Variants in SPAG16 observed in about 807,000 individuals in gnomAD.
SPAG16 encodes sperm associated antigen 16.
A neutral mutation model predicts 80.4 loss-of-function variants in SPAG16; 86 were observed. The observed-to-expected ratio is 1.07, with a 90% CI of 0.90 to 1.28. SPAG16 has a LOEUF of 1.28. SPAG16 is among the 50% of genes most tolerant of loss of function. The pLI is 0.00. For missense variants in SPAG16, 870 were observed against 765.3 expected, an observed-to-expected ratio of 1.14 and a Z score of -1.61; for synonymous variants, 294 against 265.9, an observed-to-expected ratio of 1.11 and a Z score of -1.03.
intron 10 of SPAG16, among the ~76,000 whole-genome samples, chr2:213,693,005 A>G (rs970601598): frequency 6.6e-6 from 1 of 152,180 alleles, no homozygotes; most frequent in Non-Finnish European, 1.5e-5. Context: ...TGAACATATA[A>G]CTGGAATCTT....
intron 12 of SPAG16, among the ~76,000 whole-genome samples, chr2:214,000,219 T>A (rs1323880499): frequency 2.0e-5 from 3 of 152,136 alleles, no homozygotes; most frequent in Admixed American, 1.3e-4. Context: ...TGGGACCCAG[T>A]GGGAGATCAT....
chr2:213,769,882 A>G (rs1011026478), intron 10 of SPAG16, among the ~76,000 whole-genome samples: 8 of 152,328 alleles, frequency 5.3e-5, no homozygotes, highest in East Asian at 1.9e-4. Flanking sequence ...GAACATTGCT[A>G]TCAACTCACA....
chr2:213,426,173 T>C (rs2069900396), intron 9 of SPAG16, among the ~76,000 whole-genome samples: 1 of 152,204 alleles, frequency 6.6e-6, no homozygotes, highest in African/African-American at 2.4e-5. Flanking sequence ...AAATGATCTT[T>C]ATTGAAGAAG....
chr2:213,483,483 C>T (rs2073845232), intron 9 of SPAG16, among the ~76,000 whole-genome samples: 1 of 152,106 alleles, frequency 6.6e-6, no homozygotes. Flanking sequence ...TACAGATAGG[C>T]TTTATAAATC....
intron 11 of SPAG16, among the ~76,000 whole-genome samples, chr2:213,885,141 C>A (rs898499837): frequency 1.3e-4 from 20 of 152,102 alleles, no homozygotes; most frequent in African/African-American, 4.6e-4. Flanking sequence ...GGTTTCATTT[C>A]TGGATGTTTT....
chr2:214,176,024 A>G (rs1272182981), intron 15 of SPAG16, among the ~76,000 whole-genome samples: 1 of 151,546 alleles, frequency 6.6e-6, no homozygotes, highest in African/African-American at 2.4e-5. Context: ...TTTACTGCTT[A>G]TAAATAAAAT....
In SPAG16 at chr2:213,317,232, C is replaced by T. The variant is rs146726212; in HGVS notation, c.412C>T (p.Gln138Ter). The T allele has an allele frequency of 1.9e-6, 3 of 1,594,896 alleles. No homozygotes were observed. The highest frequency in any genetic ancestry group is 1.1e-5 in the South Asian group (1 of 88,616). ...CFQSEWYELI[Q>*]KGVTELRTVG... ...ATTTTATCCTAGGTATGAGTTAATA[C>T]AGAAAGGAGTGACTGAACTTAGAAC... is the stretch of plus-strand genomic sequence containing the variant. The change falls in exon 5 of 16, where the codon CAG (glutamine) becomes TAG (stop). Residue 138 changes from glutamine (Q) to a stop codon, truncating the protein, a stop_gained. Coordinates refer to ENST00000331683, the MANE Select transcript of SPAG16 (RefSeq NM_024532.5). LOFTEE classifies it high-confidence loss of function.
chr2:213,932,205 G>C (rs1387295710), intron 12 of SPAG16, among the ~76,000 whole-genome samples: 1 of 121,164 alleles, frequency 8.3e-6, no homozygotes, highest in Non-Finnish European at 1.7e-5. Context: ...TATATTTGTT[G>C]TTGTTGTTGT....
chr2:213,681,555 G>A (rs1479682779), intron 10 of SPAG16, among the ~76,000 whole-genome samples: 1 of 152,122 alleles, frequency 6.6e-6, no homozygotes, highest in Non-Finnish European at 1.5e-5. Flanking sequence ...CACATGGCCA[G>A]GTTATGAATG....
chr2:213,346,885 G>T (rs1177398567), intron 6 of SPAG16, among the ~76,000 whole-genome samples: 1 of 151,948 alleles, frequency 6.6e-6, no homozygotes, highest in East Asian at 1.9e-4. Flanking sequence ...GTATCAGGAT[G>T]ATGCTGGCCT....
chr2:214,251,025 A>T lies in SPAG16; in HGVS notation c.1720+101759A>T, dbSNP rs80043401. ...CTATCTAATATGCACATAAAGCACT[A>T]TTGTTTTATTACAGCTAATGAATAC... On this transcript the variant is annotated intron_variant, in intron 15 of 15. Transcript: ENST00000331683. Among the ~76,000 whole-genome samples, 256 of 151,930 alleles carry T rather than the reference A, an allele frequency of 1.7e-3. 7 individuals carry two copies. In the East Asian group the frequency reaches 0.044, roughly 26 times the overall value.
In SPAG16 at chr2:213,372,893, G is replaced by A. The variant is rs1002827843; in HGVS notation, c.833-2117G>A. 2.3e-4 allele frequency among the ~76,000 whole-genome samples: 35 copies of A among 152,104 alleles called. 2 individuals are homozygous for A. Among genetic ancestry groups the A allele is most frequent in the South Asian group, 6.2e-4 (3 of 4,826 alleles). ...ATGTCTTTCTGATATTTATCCAAGA[G>A]CCTGAACATGTTAACATTGATTAAA... On this transcript the variant is annotated intron_variant, in intron 8 of 15. Coordinates refer to ENST00000331683, the MANE Select transcript of SPAG16 (RefSeq NM_024532.5).
At chr2:214,322,224 G>A (rs1223536985) in intron 15 of SPAG16, among the ~76,000 whole-genome samples, 1 of 152,116 alleles carries the variant, frequency 6.6e-6, no homozygotes, top group Non-Finnish European at 1.5e-5. Flanking sequence ...CATTTTTCAA[G>A]ACACTCAAAT....
chr2:213,882,069 T>A (rs933626256), intron 11 of SPAG16, among the ~76,000 whole-genome samples: 6 of 152,342 alleles, frequency 3.9e-5, no homozygotes, highest in East Asian at 1.9e-4. Flanking sequence ...AAAAGCTTTT[T>A]ATGAATCCAT....
intron 12 of SPAG16, among the ~76,000 whole-genome samples, chr2:213,984,019 T>G (rs982325481): frequency 6.6e-6 from 1 of 152,028 alleles, no homozygotes. Context: ...TTAATCTCAG[T>G]ATTGAGAGAT....
chr2:213,542,071 T>C (rs148568737), intron 10 of SPAG16, among the ~76,000 whole-genome samples: 66 of 152,328 alleles, frequency 4.3e-4, no homozygotes, highest in African/African-American at 1.6e-3. Flanking sequence ...CTTGATGTAT[T>C]AAATTAGTTT....
chr2:213,936,975 TGAA>T (rs1363036990), intron 12 of SPAG16, among the ~76,000 whole-genome samples: 3 of 152,148 alleles, frequency 2.0e-5, no homozygotes, highest in Non-Finnish European at 4.4e-5. Context: ...AGAGGAAATA[TGAA>T]ATGTTAAGAT....
chr2:213,365,937 T>C (rs1334901713), intron 8 of SPAG16, among the ~76,000 whole-genome samples: 2 of 148,988 alleles, frequency 1.3e-5, no homozygotes, highest in Admixed American at 1.3e-4. Context: ...GGTCAGGAGA[T>C]CGAGACCATC....
intron 9 of SPAG16, among the ~76,000 whole-genome samples, chr2:213,431,228 GA>G (rs899972719): frequency 6.6e-6 from 1 of 151,158 alleles, no homozygotes; most frequent in Admixed American, 6.6e-5. Context: ...AAACGGAGGG[GA>G]AAAAAAAGAA....
Sources: allele counts gnomAD v4.1 joint callset (sites outside exome capture counted in the v4.1 genomes callset), GRCh38; gene constraint gnomAD v4.1.1; transcripts MANE v1.5; gene names NCBI Gene and HGNC (gene_info 2026-07-23, HGNC 2026-07-21).